Variants in FEZ2 observed in about 807,000 individuals in gnomAD.
FEZ2 encodes fasciculation and elongation protein zeta 2.
FEZ2 carries 51 observed loss-of-function variants against 40.4 expected under a neutral mutation model. The ratio of observed to expected loss-of-function variants is 1.26; its 90% CI spans 1.01 to 1.59. The LOEUF (loss-of-function observed/expected upper bound fraction) is 1.59. Ranked by LOEUF, FEZ2 falls within the 40% of genes most tolerant of loss-of-function variation. FEZ2 has a pLI of 0.00. For synonymous variants in FEZ2, 242 were observed against 172.0 expected, an observed-to-expected ratio of 1.41 and a Z score of -3.18; for missense variants, 640 against 438.3, an observed-to-expected ratio of 1.46 and a Z score of -4.11.
chr2:36,581,432 C>A lies in FEZ2; in HGVS notation c.493-1G>T. ...TCATTTCTTCAATTTCTTCAATAAC[C>A]TTCGAAAACACACACACCACTGTTA... On this transcript the variant is annotated splice_acceptor_variant, in intron 3 of 7. Coordinates refer to ENST00000405912, the MANE Select transcript of FEZ2 (RefSeq NM_005102.3). LOFTEE classifies it high-confidence loss of function. 1 of 1,613,122 alleles carries A rather than the reference C, an allele frequency of 6.2e-7. No individual in the cohort carries two copies. Among genetic ancestry groups the A allele is most frequent in the Non-Finnish European group, 8.5e-7 (1 of 1,179,178 alleles).
At position 36,597,878 on chromosome 2, in the gene FEZ2, C is replaced by T. The variant is rs371431783; in HGVS notation, c.265G>A (p.Glu89Lys). 1.5e-6 allele frequency: 2 copies of T among 1,366,754 alleles called. No homozygotes were observed. The highest frequency in any genetic ancestry group is 1.9e-6 in the Non-Finnish European group (2 of 1,066,236). 84.7% of individuals were successfully genotyped at this position (1,366,754 alleles called of 1,614,324 possible). A position where few individuals can be genotyped will look rare whatever the true frequency, so the allele number is the denominator to read the frequency against. ...TCCCGGCCGGGGCCCCGCACTCACT[C>T]GTCCCCCTGCAGGAGGCTGCGCTCC... ...ITERSLLQGD[E>K]IWNALTDNYG... The change falls in exon 1 of 8, where the codon GAG becomes AAG. Residue 89 changes from glutamate to lysine, a missense_variant and splice_region_variant. Transcript: ENST00000405912.
intron 1 of FEZ2, among the ~76,000 whole-genome samples, chr2:36,593,701 C>A (rs1337814723): frequency 1.3e-5 from 2 of 152,044 alleles, no homozygotes; most frequent in African/African-American, 4.8e-5. Flanking sequence ...TTTGGGCCTC[C>A]AGGCCTGTGA....
chr2:36,553,992 AATAC>A (rs1384484088), intron 7 of FEZ2, among the ~76,000 whole-genome samples: 1 of 152,136 alleles, frequency 6.6e-6, no homozygotes, highest in Non-Finnish European at 1.5e-5. Flanking sequence ...CATTTGGGTA[AATAC>A]ATCTCCACAT....
chr2:36,565,437 A>T (rs1045522323), intron 5 of FEZ2, among the ~76,000 whole-genome samples: 2 of 152,122 alleles, frequency 1.3e-5, no homozygotes, highest in African/African-American at 4.8e-5. Context: ...TGCAATTTCC[A>T]TAGCCTCTTC....
At chr2:36,587,895 G>A (rs1159182088) in intron 2 of FEZ2, among the ~76,000 whole-genome samples, 2 of 152,142 alleles carry the variant, frequency 1.3e-5, no homozygotes, top group African/African-American at 4.8e-5. Context: ...CTCAGTGTGT[G>A]CTAATCCTCC....
At chr2:36,595,345 T>C (rs1463430139) in intron 1 of FEZ2, among the ~76,000 whole-genome samples, 1 of 151,962 alleles carries the variant, frequency 6.6e-6, no homozygotes, top group African/African-American at 2.4e-5. Flanking sequence ...GATGGTCCTA[T>C]CTGGGGGAGA....
intron 5 of FEZ2, among the ~76,000 whole-genome samples, chr2:36,571,947 G>A (rs1190249875): frequency 6.0e-5 from 9 of 149,708 alleles, no homozygotes; most frequent in East Asian, 2.0e-4. Context: ...CCGGGGATGC[G>A]GAGGTTGCAG....
intron 5 of FEZ2, among the ~76,000 whole-genome samples, chr2:36,576,981 C>A (rs2125232939): frequency 6.6e-6 from 1 of 152,314 alleles, no homozygotes; most frequent in South Asian, 2.1e-4. Flanking sequence ...CATGCTATGA[C>A]TTTTTAACTA....
intron 1 of FEZ2, among the ~76,000 whole-genome samples, chr2:36,594,902 C>T (rs1304293334): frequency 6.6e-6 from 1 of 152,192 alleles, no homozygotes; most frequent in African/African-American, 2.4e-5. Context: ...TAACAGTCTC[C>T]ACCAAGGTCA....
intron 5 of FEZ2, among the ~76,000 whole-genome samples, chr2:36,566,988 T>C (rs948408458): frequency 6.6e-6 from 1 of 151,912 alleles, no homozygotes; most frequent in Non-Finnish European, 1.5e-5. Context: ...ACTAAATAAA[T>C]GAGTGCTCCA....
At chr2:36,589,749 A>G (rs550523712) in intron 2 of FEZ2, 4 of 152,370 alleles carry the variant, frequency 2.6e-5, no homozygotes, top group South Asian at 4.1e-4. Flanking sequence ...CCAGAATTCT[A>G]CATTTTACTA....
At chr2:36,569,481 A>C (rs1042192588) in intron 5 of FEZ2, among the ~76,000 whole-genome samples, 2 of 152,376 alleles carry the variant, frequency 1.3e-5, no homozygotes, top group East Asian at 1.9e-4. Context: ...AAAAAGCTTA[A>C]ACAGAAAACA....
In FEZ2 at chr2:36,578,799, T is replaced by G. The variant is rs753997094; in HGVS notation, c.701A>C (p.Glu234Ala). The G allele has an allele frequency of 6.2e-7, 1 of 1,613,844 alleles. No homozygotes were observed. The highest frequency in any genetic ancestry group is 8.5e-7 in the Non-Finnish European group (1 of 1,179,744). The change falls in exon 5 of 8, where the codon GAG (glutamate) becomes GCG (alanine). Residue 234 changes from glutamate (E) to alanine (A), a missense_variant. By Grantham distance (107) the Glu-to-Ala change is moderately radical. Transcript: ENST00000405912. ...CTGCTGCACCAGCTCCTCAGAGTACTCCTTAATGGCAGTCTCAATTTCTTC... is the reference window on the plus strand; with the variant it reads ...CTGCTGCACCAGCTCCTCAGAGTACGCCTTAATGGCAGTCTCAATTTCTTC... ...ILEEIETAIKEYSEELVQQLA... is the reference protein window; with the variant it reads ...ILEEIETAIKAYSEELVQQLA...
intron 5 of FEZ2, among the ~76,000 whole-genome samples, chr2:36,566,510 T>C (rs575835986): frequency 1.3e-3 from 203 of 152,316 alleles, no homozygotes; most frequent in Non-Finnish European, 2.6e-3. Context: ...TGTCAGATAC[T>C]TCTTTCATAT....
intron 5 of FEZ2, 43 bp downstream of exon 5, chr2:36,578,554 A>T (rs774374786): frequency 6.3e-7 from 1 of 1,578,348 alleles, no homozygotes; most frequent in South Asian, 1.2e-5. Flanking sequence ...CTACCACAGA[A>T]CCTGTTTCCA....
intron 7 of FEZ2, 88 bp from the exon 8 acceptor site, chr2:36,553,267 C>A: frequency 9.9e-7 from 1 of 1,013,444 alleles, no homozygotes; most frequent in South Asian, 1.5e-5. Context: ...ATTTAAAAAC[C>A]ATTAAGTAAT....
intron 1 of FEZ2, among the ~76,000 whole-genome samples, chr2:36,594,961 C>A (rs1159717391): frequency 6.6e-6 from 1 of 152,202 alleles, no homozygotes; most frequent in East Asian, 1.9e-4. Flanking sequence ...TGAAAGATTT[C>A]TAGAATTCTG....
intron 5 of FEZ2, among the ~76,000 whole-genome samples, chr2:36,572,745 C>T (rs1048009706): frequency 1.3e-5 from 2 of 152,000 alleles, no homozygotes; most frequent in Admixed American, 1.3e-4. Flanking sequence ...AAAAAAATTC[C>T]AAATTAAAAA....
At position 36,578,591 on chromosome 2, in the gene FEZ2, ACTTACTGTG is replaced by A. The variant is rs990244730; in HGVS notation, c.900_903+5del. 2 of 1,606,774 alleles carry A rather than the reference ACTTACTGTG, an allele frequency of 1.2e-6. No homozygotes were observed. The highest frequency in any genetic ancestry group is 2.7e-5 in the African/African-American group (2 of 74,062). Reference sequence around the variant, plus strand: ...TGTTCGACGCCTCCTGCAAAACATCACTTACTGTGCCGGGCATATGACTTCTCTCATTCT... The same window carrying A: ...TGTTCGACGCCTCCTGCAAAACATCACCGGGCATATGACTTCTCTCATTCT... On this transcript the variant is annotated splice_donor_variant and splice_donor_5th_base_variant and coding_sequence_variant and intron_variant, in exon 5 of 8. Coordinates refer to ENST00000405912, the MANE Select transcript of FEZ2 (RefSeq NM_005102.3). LOFTEE classifies it high-confidence loss of function.
Sources: gnomAD v4.1 joint callset for allele counts (sites outside exome capture counted in the v4.1 genomes callset) on GRCh38, gnomAD v4.1.1 for gene constraint, MANE v1.5 for transcripts, NCBI Gene and HGNC (gene_info 2026-07-23, HGNC 2026-07-21) for gene names.